The following WWOX variants were observed in gnomAD, a reference collection of about 807,000 sequenced individuals.
WWOX encodes WW domain containing oxidoreductase, also known as WW domain-containing oxidoreductase.
A neutral mutation model predicts 46.2 loss-of-function variants in WWOX; 69 were observed. The observed-to-expected ratio is 1.49, with a 90% confidence interval of 1.23 to 1.82. WWOX has a LOEUF of 1.82. Among genes scored for constraint, WWOX ranks in the 40% most tolerant of loss-of-function variants. The probability of loss-of-function intolerance (pLI) is 0.00; values close to 1 mark genes in which losing one functional copy is unlikely to be tolerated. For missense variants in WWOX, 919 were observed against 542.6 expected, an observed-to-expected ratio of 1.69 and a Z score of -6.89; for synonymous variants, 359 against 202.6, an observed-to-expected ratio of 1.77 and a Z score of -6.56.
In WWOX at chr16:78,430,180, C is replaced by G. The variant is rs191489687; in HGVS notation, c.792-2308C>G. ...GCAACAGAGTATGTGCAGGGGAATTCTCATTTATAAAACCATCAGATTTCG... is the reference window on the plus strand; with the variant it reads ...GCAACAGAGTATGTGCAGGGGAATTGTCATTTATAAAACCATCAGATTTCG... On this transcript the variant is annotated intron_variant, in intron 7 of 8. Transcript: ENST00000566780. Among the ~76,000 whole-genome samples, 56 of 152,228 alleles carry G rather than the reference C, an allele frequency of 3.7e-4. No homozygotes were observed. The East Asian group carries it at 6.0e-3, about 16-fold the overall frequency.
chr16:79,187,569 C>T (rs1177811256), intron 8 of WWOX, among the ~76,000 whole-genome samples: 1 of 152,178 alleles, frequency 6.6e-6, no homozygotes, highest in Non-Finnish European at 1.5e-5. Context: ...ACACCGCCAC[C>T]ACGCCCAGCT....
At chr16:78,125,535 A>G (rs536849445) in intron 4 of WWOX, among the ~76,000 whole-genome samples, 1 of 152,254 alleles carries the variant, frequency 6.6e-6, no homozygotes, top group Admixed American at 6.5e-5. Flanking sequence ...GGCAGATGTC[A>G]TTTCCAGACT....
intron 8 of WWOX, among the ~76,000 whole-genome samples, chr16:78,555,263 C>T (rs900998523): frequency 3.3e-5 from 5 of 151,368 alleles, no homozygotes; most frequent in East Asian, 1.9e-4. Context: ...CTATACTGTC[C>T]GGGGAAAGGA....
intron 8 of WWOX, among the ~76,000 whole-genome samples, chr16:78,950,593 C>T (rs142371335): frequency 8.6e-5 from 13 of 151,580 alleles, no homozygotes; most frequent in African/African-American, 3.1e-4. Flanking sequence ...ATGGAGATTT[C>T]TAACATAATA....
At chr16:79,112,489 T>TCCTTCC (rs944051573) in intron 8 of WWOX, among the ~76,000 whole-genome samples, 6 of 152,064 alleles carry the variant, frequency 3.9e-5, no homozygotes, top group Non-Finnish European at 5.9e-5. Flanking sequence ...TTGACCCTTC[T>TCCTTCC]CCTTCCCCCA....
chr16:78,673,123 A>T (rs997855312), intron 8 of WWOX, among the ~76,000 whole-genome samples: 10 of 152,258 alleles, frequency 6.6e-5, no homozygotes, highest in African/African-American at 2.4e-4. Flanking sequence ...CAACGTGCAG[A>T]CATGTCCTGA....
intron 8 of WWOX, among the ~76,000 whole-genome samples, chr16:79,030,247 T>G (rs1349025778): frequency 1.3e-5 from 2 of 152,226 alleles, no homozygotes; most frequent in Non-Finnish European, 2.9e-5. Flanking sequence ...CTTTTATGAT[T>G]CTACTCTTTT....
At chr16:78,135,685 A>G (rs796695546) in intron 4 of WWOX, among the ~76,000 whole-genome samples, 34 of 143,774 alleles carry the variant, frequency 2.4e-4, no homozygotes, top group African/African-American at 9.2e-4. Context: ...AGTATTACTG[A>G]AAAAAAAACA....
chr16:78,483,494 G>A (rs1179974100), intron 8 of WWOX, among the ~76,000 whole-genome samples: 1 of 151,224 alleles, frequency 6.6e-6, no homozygotes, highest in Non-Finnish European at 1.5e-5. Context: ...ATCGGTGAAG[G>A]CAGACAGTAA....
intron 4 of WWOX, among the ~76,000 whole-genome samples, chr16:78,143,121 G>T (rs538327626): frequency 6.6e-6 from 1 of 152,226 alleles, no homozygotes; most frequent in African/African-American, 2.4e-5. Flanking sequence ...TGAAATTCTG[G>T]GTGAAACAAA....
intron 8 of WWOX, among the ~76,000 whole-genome samples, chr16:78,530,442 A>C (rs1194721242): frequency 6.6e-6 from 1 of 152,180 alleles, no homozygotes; most frequent in Non-Finnish European, 1.5e-5. Flanking sequence ...GCAGGAAGGT[A>C]ATTTTCCCCT....
intron 8 of WWOX, among the ~76,000 whole-genome samples, chr16:78,922,044 A>G (rs1207979869): frequency 6.6e-6 from 1 of 152,180 alleles, no homozygotes; most frequent in Non-Finnish European, 1.5e-5. Flanking sequence ...TCTACTATCT[A>G]TGTGTGGCAG....
intron 8 of WWOX, among the ~76,000 whole-genome samples, chr16:78,651,942 A>AG (rs2046974578): frequency 1.3e-5 from 2 of 152,168 alleles, no homozygotes; most frequent in Non-Finnish European, 2.9e-5. Context: ...TGGCAGGCAC[A>AG]GGGATGGTTG....
chr16:78,219,434 G>A (rs1567436384), intron 5 of WWOX, among the ~76,000 whole-genome samples: 1 of 152,128 alleles, frequency 6.6e-6, no homozygotes, highest in Non-Finnish European at 1.5e-5. Context: ...AAAATGCACA[G>A]CCAGATAACA....
At chr16:78,893,891 C>T (rs140629516) in intron 8 of WWOX, among the ~76,000 whole-genome samples, 1 of 152,216 alleles carries the variant, frequency 6.6e-6, no homozygotes, top group East Asian at 1.9e-4. Context: ...TTTCTAGATG[C>T]ATCTTTTGAG....
At chr16:78,903,437 G>T (rs1034578018) in intron 8 of WWOX, among the ~76,000 whole-genome samples, 2 of 152,230 alleles carry the variant, frequency 1.3e-5, no homozygotes, top group Non-Finnish European at 2.9e-5. Flanking sequence ...AGAGGCTGAA[G>T]TGAAGTTACA....
At chr16:79,171,806 A>C (rs1206499496) in intron 8 of WWOX, among the ~76,000 whole-genome samples, 1 of 152,222 alleles carries the variant, frequency 6.6e-6, no homozygotes, top group Non-Finnish European at 1.5e-5. Flanking sequence ...ATGTCCTGAC[A>C]GCAGAATCAA....
intron 8 of WWOX, among the ~76,000 whole-genome samples, chr16:78,845,356 G>A (rs1327139361): frequency 6.6e-6 from 1 of 152,042 alleles, no homozygotes; most frequent in Non-Finnish European, 1.5e-5. Context: ...GAAATTCACA[G>A]ACCACGGCCA....
intron 8 of WWOX, among the ~76,000 whole-genome samples, chr16:78,893,955 G>A (rs1033254360): frequency 6.6e-6 from 1 of 151,832 alleles, no homozygotes; most frequent in African/African-American, 2.4e-5. Flanking sequence ...CAGATATTGT[G>A]TCTGTGATGT....
Sources: allele counts gnomAD v4.1 joint callset (sites outside exome capture counted in the v4.1 genomes callset), GRCh38; gene constraint gnomAD v4.1.1; transcripts MANE v1.5; gene names NCBI Gene and HGNC (gene_info 2026-07-23, HGNC 2026-07-21).